The following TICRR variants were observed in gnomAD, a reference collection of about 807,000 sequenced individuals.
TICRR encodes TOPBP1 interacting checkpoint and replication regulator.
A neutral mutation model predicts 178.1 loss-of-function variants in TICRR; 132 were observed. That is an observed-to-expected ratio of 0.74 (90% CI 0.64 to 0.86). The LOEUF (loss-of-function observed/expected upper bound fraction) is 0.86. TICRR is among the 40% of genes least tolerant of loss of function. The pLI is 0.00. For missense variants in TICRR, 2,587 were observed against 2,334.3 expected, an observed-to-expected ratio of 1.11 and a Z score of -2.23; for synonymous variants, 991 against 900.7, an observed-to-expected ratio of 1.10 and a Z score of -1.79.
At chr15:89,615,608 C>T (rs560411372) in intron 15 of TICRR, among the ~76,000 whole-genome samples, 1 of 152,234 alleles carries the variant, frequency 6.6e-6, no homozygotes, top group African/African-American at 2.4e-5. Flanking sequence ...GTTCAGAGGT[C>T]CTTACCTCAC....
At position 89,623,708 on chromosome 15, in the gene TICRR, A is replaced by T; in HGVS notation, c.3398A>T (p.Tyr1133Phe). The change falls in exon 20 of 22, where the codon TAT becomes TTT. Residue 1133 changes from tyrosine (Y) to phenylalanine (F), a missense_variant. Physicochemically the swap from Tyr to Phe is conservative, Grantham distance 22. Coordinates refer to ENST00000268138, the MANE Select transcript of TICRR (RefSeq NM_152259.4). ...RISHTPQTPLYTPERLQKSPA... is the reference protein window; with the variant it reads ...RISHTPQTPLFTPERLQKSPA... ...TCTCATACACCACAAACTCCGTTGT[A>T]TACTCCAGAAAGGCTGCAGAAGTCC... 6.2e-7 allele frequency: 1 copy of T among 1,614,130 alleles called. No homozygotes were observed. Among genetic ancestry groups the T allele is most frequent in the South Asian group, 1.1e-5 (1 of 91,084 alleles).
rs1461154822 is a variant in TICRR, at chr15:89,584,489, C to A, written c.1138C>A (p.Gln380Lys). The change falls in exon 3 of 22, where the codon CAG becomes AAG. Residue 380 changes from glutamine (Q) to lysine (K), a missense_variant. Gln to Lys is a moderately conservative substitution (Grantham distance 53). Coordinates refer to ENST00000268138, the MANE Select transcript of TICRR (RefSeq NM_152259.4). ...AGCAACTCAAAGGCTGTTATTTCAG[C>A]AGTTGGTAAGCAGGCTGACTGCTGA... ...STATQRLLFQ[Q>K]LVSRLTAEEL... is the part of the protein sequence containing the mutation. The A allele has an allele frequency of 6.3e-7, 1 of 1,598,934 alleles. No individual in the cohort carries two copies.
chr15:89,606,231 C>T (rs1963173590), intron 13 of TICRR, among the ~76,000 whole-genome samples: 1 of 152,180 alleles, frequency 6.6e-6, no homozygotes, highest in African/African-American at 2.4e-5. Context: ...TTTTTCCTCC[C>T]TATCACAGAT....
chr15:89,601,321 G>C lies in TICRR; in HGVS notation c.2177G>C (p.Arg726Pro). Residue 726 changes from arginine to proline, a missense_variant, in exon 10 of 22, where the codon CGT becomes CCT. Physicochemically the swap from Arg to Pro is moderately radical, Grantham distance 103 (BLOSUM62 -2). Transcript: ENST00000268138. ...VRECQLQVFL[R>P]LEMCLQCPSI... ...AGGTGCCAGCTTCAGGTATTTCTTC[G>C]TTTGGAGATGTGTCTGCAATGCCCT... The C allele has an allele frequency of 6.2e-7, 1 of 1,614,026 alleles. No individual in the cohort carries two copies. The highest frequency in any genetic ancestry group is 8.5e-7 in the Non-Finnish European group (1 of 1,180,008).
Position 89,608,986 on chromosome 15 carries a change from G to GAGATTCT in TICRR, c.2869+38_2869+44dup, listed in dbSNP as rs766376397. ...CAGAATAGCTAGGAAAAAGGAAAGG[G>GAGATTCT]AGATTCTGTAAGATTAGTAGTAATG... On this transcript the variant is annotated intron_variant, in intron 15 of 21. Coordinates refer to ENST00000268138, the MANE Select transcript of TICRR (RefSeq NM_152259.4). 3 of 1,552,178 alleles carry GAGATTCT rather than the reference G, an allele frequency of 1.9e-6. No homozygotes were observed. The East Asian group carries it at 7.2e-5, about 38-fold the overall frequency.
At chr15:89,578,109 A>C (rs1962658149) in intron 1 of TICRR, among the ~76,000 whole-genome samples, 1 of 152,194 alleles carries the variant, frequency 6.6e-6, no homozygotes, top group Non-Finnish European at 1.5e-5. Flanking sequence ...GTCAGAAAGC[A>C]GGAGAGGCCG....
Position 89,584,286 on chromosome 15 carries a change from C to G in TICRR, c.935C>G (p.Ala312Gly), listed in dbSNP as rs199629088. 3 of 1,584,228 alleles carry G rather than the reference C, an allele frequency of 1.9e-6. No homozygotes were observed. In the South Asian group the frequency reaches 3.5e-5, roughly 18 times the overall value. ...TGGTCTAATTAATCTTTATTTCTAG[C>G]AGGCAAAGAGATTCAAGAAACATGG... is the stretch of plus-strand genomic sequence containing the variant. Reference protein sequence around the residue: ...MEGMLFLPVEAGKEIQETWTV... With the variant: ...MEGMLFLPVEGGKEIQETWTV... Residue 312 changes from alanine to glycine, a missense_variant and splice_region_variant, in exon 3 of 22, where the codon GCA becomes GGA. Transcript: ENST00000268138.
At chr15:89,617,462 TA>T (rs1344726096) in intron 16 of TICRR, among the ~76,000 whole-genome samples, 1 of 152,222 alleles carries the variant, frequency 6.6e-6, no homozygotes, top group African/African-American at 2.4e-5. Context: ...ATGGGGTTTA[TA>T]ATTCTGATGT....
intron 4 of TICRR, among the ~76,000 whole-genome samples, chr15:89,587,479 C>A (rs766216974): frequency 6.6e-6 from 1 of 152,082 alleles, no homozygotes; most frequent in Non-Finnish European, 1.5e-5. Flanking sequence ...CTAACCCCTG[C>A]ACCCTAATGT....
rs772334123 is a variant in TICRR at position 89,624,632 on chromosome 15, C to T, written c.4322C>T (p.Pro1441Leu). ...PQSPPERRGY[P>L]GPGLRSDWHA... The stretch of plus-strand genomic sequence containing the variant: ...TCTCCTCCTGAAAGACGGGGCTACC[C>T]AGGCCCTGGTCTCAGGAGTGATTGG... The change falls in exon 20 of 22, where the codon CCA becomes CTA. Residue 1441 changes from proline (P) to leucine (L), a missense_variant. Coordinates refer to ENST00000268138, the MANE Select transcript of TICRR (RefSeq NM_152259.4). The T allele has an allele frequency of 3.7e-5, 60 of 1,613,940 alleles. No individual in the cohort carries two copies. The highest frequency in any genetic ancestry group is 5.0e-5 in the Non-Finnish European group (59 of 1,180,040).
chr15:89,589,962 G>A (rs1962883549), intron 4 of TICRR, among the ~76,000 whole-genome samples: 1 of 151,978 alleles, frequency 6.6e-6, no homozygotes, highest in Admixed American at 6.6e-5. Context: ...ACAAAAAAAA[G>A]TGCAATCCTA....
chr15:89,599,176 G>A (rs1335767484), intron 7 of TICRR, 148 bp from the exon 8 acceptor site: 6 of 233,084 alleles, frequency 2.6e-5, no homozygotes, highest in South Asian at 4.9e-5. Context: ...AGCCACCCCC[G>A]CCCCCACCAC....
chr15:89,582,584 C>T (rs1962746840), intron 1 of TICRR, 102 bp from the exon 2 acceptor site: 2 of 1,087,180 alleles, frequency 1.8e-6, no homozygotes, highest in Non-Finnish European at 2.7e-6. Flanking sequence ...TAATTCGATC[C>T]TTTAATATTG....
At chr15:89,615,098 A>G (rs4424887) in intron 15 of TICRR, among the ~76,000 whole-genome samples, 137,296 of 152,264 alleles carry the variant, frequency 0.9, 62,200 homozygotes, top group African/African-American at 0.96. Context: ...AATTTTCCCA[A>G]TTAAACTTTT....
rs781013992 is a variant in TICRR, at chr15:89,618,148, C to T, written c.2961-4C>T. 8.7e-6 allele frequency: 14 copies of T among 1,613,916 alleles called. No individual in the cohort carries two copies. The East Asian group carries it at 1.3e-4, about 15-fold the overall frequency. The stretch of plus-strand genomic sequence containing the variant: ...AGTAATCCTTGTGCATGTGGTTCCT[C>T]GAGGTCCTCTGATCCTGGTCCTGAT... On this transcript the variant is annotated splice_region_variant and splice_polypyrimidine_tract_variant and intron_variant, in intron 16 of 21. Coordinates refer to ENST00000268138, the MANE Select transcript of TICRR (RefSeq NM_152259.4).
chr15:89,580,373 GT>G (rs1962702813), intron 1 of TICRR, among the ~76,000 whole-genome samples: 1 of 152,032 alleles, frequency 6.6e-6, no homozygotes, highest in Non-Finnish European at 1.5e-5. Context: ...TTTTTTGTTT[GT>G]TTTCCTGGCT....
In TICRR at chr15:89,602,841, G is replaced by C. The variant is rs1169061049; in HGVS notation, c.2613G>C (p.Gln871His). The stretch of plus-strand genomic sequence containing the variant: ...ATAAAAGCATTGCTGAGGTTTCACA[G>C]AATCTTCGACAAATTGAAATTCCTA... ...IRHKSIAEVS[Q>H]NLRQIEIPKV... Residue 871 changes from glutamine to histidine, a missense_variant, in exon 13 of 22, where the codon CAG becomes CAC. Transcript: ENST00000268138. 2.0e-6 allele frequency: 3 copies of C among 1,526,752 alleles called. No individual in the cohort carries two copies. Among genetic ancestry groups the C allele is most frequent in the Non-Finnish European group, 2.6e-6 (3 of 1,138,750 alleles). 94.6% of individuals were successfully genotyped at this position (1,526,752 alleles called of 1,614,324 possible).
intron 5 of TICRR, among the ~76,000 whole-genome samples, chr15:89,592,827 A>T (rs1310136198): frequency 6.6e-6 from 1 of 152,210 alleles, no homozygotes; most frequent in Non-Finnish European, 1.5e-5. Flanking sequence ...TTCTCCACAC[A>T]TATATCCATT....
In TICRR at chr15:89,624,826, A is replaced by G; in HGVS notation, c.4516A>G (p.Ile1506Val). The change falls in exon 20 of 22, where the codon ATT becomes GTT. Residue 1506 changes from isoleucine (I) to valine (V), a missense_variant. By Grantham distance (29) the Ile-to-Val change is conservative (BLOSUM62 3). Transcript: ENST00000268138. ...AEKSSLSHPGIPPSPPSCGPG... is the reference protein window; with the variant it reads ...AEKSSLSHPGVPPSPPSCGPG... ...GAAGTCTTCTCTGTCTCACCCTGGG[A>G]TTCCCCCATCTCCTCCTTCCTGTGG... 1 of 1,614,148 alleles carries G rather than the reference A, an allele frequency of 6.2e-7. No homozygotes were observed. The highest frequency in any genetic ancestry group is 1.1e-5 in the South Asian group (1 of 91,082).
Sources: allele counts gnomAD v4.1 joint callset (sites outside exome capture counted in the v4.1 genomes callset), GRCh38; gene constraint gnomAD v4.1.1; transcripts MANE v1.5; gene names NCBI Gene and HGNC (gene_info 2026-07-23, HGNC 2026-07-21).